The following LRRTM4 variants were observed in gnomAD, a reference collection of about 807,000 sequenced individuals.
LRRTM4 encodes leucine rich repeat transmembrane neuronal 4.
Under a neutral mutation model 47.6 loss-of-function variants are expected in LRRTM4, and 25 were observed. The observed-to-expected ratio is 0.53, with a 90% CI of 0.38 to 0.73. LRRTM4 has a LOEUF of 0.73. Among genes scored for constraint, LRRTM4 ranks in the 30% least tolerant of loss-of-function variants. LRRTM4 has a pLI of 0.00. For synonymous variants in LRRTM4, 311 were observed against 269.5 expected, an observed-to-expected ratio of 1.15 and a Z score of -1.51; for missense variants, 638 against 713.4, an observed-to-expected ratio of 0.89 and a Z score of 1.20.
intron 3 of LRRTM4, among the ~76,000 whole-genome samples, chr2:76,761,759 T>C (rs1407113663): frequency 1.3e-5 from 2 of 152,098 alleles, no homozygotes; most frequent in Non-Finnish European, 2.9e-5. Context: ...AAGCGATAAA[T>C]TTAAAGGAAA....
chr2:76,814,233 T>C (rs1386149442), intron 3 of LRRTM4, among the ~76,000 whole-genome samples: 1 of 152,140 alleles, frequency 6.6e-6, no homozygotes, highest in African/African-American at 2.4e-5. Flanking sequence ...AAAAAGCTTA[T>C]ATAATAAGAT....
intron 3 of LRRTM4, among the ~76,000 whole-genome samples, chr2:77,027,651 AAAC>A (rs1678501369): frequency 6.6e-6 from 1 of 152,214 alleles, no homozygotes; most frequent in African/African-American, 2.4e-5. Flanking sequence ...AGAGCCTTCT[AAAC>A]AACTGTAGTT....
At chr2:76,781,596 C>A (rs1674394863) in intron 3 of LRRTM4, among the ~76,000 whole-genome samples, 1 of 152,236 alleles carries the variant, frequency 6.6e-6, no homozygotes, top group Admixed American at 6.5e-5. Flanking sequence ...TGAGGCAATG[C>A]CTCGCCCTGC....
Position 76,881,520 on chromosome 2 carries a change from T to C in LRRTM4, c.1552-132604A>G, listed in dbSNP as rs186845611. On this transcript the variant is annotated intron_variant, in intron 3 of 3. Transcript: ENST00000409884. ...TGTTCTTGCAATCTCTTGTGCTTTATGTTTCCAGTTTTTCCTCACAGATAC... is the reference window on the plus strand; with the variant it reads ...TGTTCTTGCAATCTCTTGTGCTTTACGTTTCCAGTTTTTCCTCACAGATAC... Among the ~76,000 whole-genome samples, 720 of 152,016 alleles carry C rather than the reference T, an allele frequency of 4.7e-3. 1 individual carries two copies. The highest frequency in any genetic ancestry group is 7.5e-3 in the Non-Finnish European group (512 of 67,904).
chr2:76,784,361 G>A (rs1667510837), intron 3 of LRRTM4, among the ~76,000 whole-genome samples: 1 of 152,000 alleles, frequency 6.6e-6, no homozygotes, highest in Non-Finnish European at 1.5e-5. Context: ...AGTCAAATGG[G>A]TGCAAGATTG....
In LRRTM4 at chr2:77,475,609, T is replaced by G. The variant is rs1677355940; in HGVS notation, c.1551+42709A>C. Among the ~76,000 whole-genome samples, 5 of 152,110 alleles carry G rather than the reference T, an allele frequency of 3.3e-5. No homozygotes were observed. The South Asian group carries it at 1.0e-3, about 32-fold the overall frequency. On this transcript the variant is annotated intron_variant, in intron 3 of 3. Transcript: ENST00000409884. Reference sequence around the variant, plus strand: ...AATTACTCAGATACACTTTTTAGATTAAATAATATACATATTTTAAAGTGT... The same window carrying G: ...AATTACTCAGATACACTTTTTAGATGAAATAATATACATATTTTAAAGTGT...
chr2:76,945,478 A>T (rs1675291770), intron 3 of LRRTM4, among the ~76,000 whole-genome samples: 1 of 152,022 alleles, frequency 6.6e-6, no homozygotes, highest in Admixed American at 6.6e-5. Context: ...TGTGCAATGG[A>T]GTTGTTGGCA....
chr2:77,509,764 T>C (rs1211481728), intron 3 of LRRTM4, among the ~76,000 whole-genome samples: 4 of 152,174 alleles, frequency 2.6e-5, no homozygotes, highest in Non-Finnish European at 4.4e-5. Context: ...CTTGGAAAGT[T>C]ATTATCCTAG....
At position 77,516,677 on chromosome 2, in the gene LRRTM4, C is replaced by A. The variant is rs150872381; in HGVS notation, c.1551+1641G>T. On this transcript the variant is annotated intron_variant, in intron 3 of 3. Transcript: ENST00000409884. ...GCCTTGTTAGACTTTTATAGAAAATCTTTTATTCTTTTTAATTTTTAAGGG... is the reference window on the plus strand; with the variant it reads ...GCCTTGTTAGACTTTTATAGAAAATATTTTATTCTTTTTAATTTTTAAGGG... 722 of 976,388 alleles carry A rather than the reference C, an allele frequency of 7.4e-4. 3 individuals carry two copies. The African/African-American group carries it at 0.011, about 15-fold the overall frequency. 60.5% of individuals were successfully genotyped at this position (976,388 alleles called of 1,614,324 possible).
intron 3 of LRRTM4, among the ~76,000 whole-genome samples, chr2:77,005,478 G>C (rs1164138532): frequency 2.0e-5 from 3 of 152,090 alleles, no homozygotes. Context: ...TGAAATTTAG[G>C]AGGGGCCAGG....
chr2:77,222,705 G>A lies in LRRTM4; in HGVS notation c.1551+295613C>T, dbSNP rs185205384. 1.3e-3 allele frequency among the ~76,000 whole-genome samples: 194 copies of A among 152,206 alleles called. 3 individuals carry two copies. In the South Asian group the frequency reaches 0.022, roughly 18 times the overall value. On this transcript the variant is annotated intron_variant, in intron 3 of 3. Coordinates refer to ENST00000409884, the MANE Select transcript of LRRTM4 (RefSeq NM_001134745.3). ...ACCAATAACAGGCTCCGAAATTGAG[G>A]CAATAATTAATAGCTTACCAACCAA...
intron 3 of LRRTM4, among the ~76,000 whole-genome samples, chr2:76,968,009 A>G (rs1261110176): frequency 6.6e-6 from 1 of 150,812 alleles, no homozygotes; most frequent in African/African-American, 2.4e-5. Flanking sequence ...TCATCTCCTC[A>G]TTTTATTAAA....
At chr2:76,807,892 C>T (rs1670584175) in intron 3 of LRRTM4, among the ~76,000 whole-genome samples, 1 of 149,262 alleles carries the variant, frequency 6.7e-6, no homozygotes, top group Middle Eastern at 3.7e-3. Flanking sequence ...ATTTTCTTTT[C>T]TTCTTTACTT....
chr2:77,399,520 A>G (rs996394507), intron 3 of LRRTM4, among the ~76,000 whole-genome samples: 1 of 151,876 alleles, frequency 6.6e-6, no homozygotes, highest in African/African-American at 2.4e-5. Flanking sequence ...CCAGTTACAC[A>G]GGAGGAATAA....
At chr2:76,983,124 G>T (rs976389202) in intron 3 of LRRTM4, among the ~76,000 whole-genome samples, 2 of 151,912 alleles carry the variant, frequency 1.3e-5, no homozygotes, top group African/African-American at 4.8e-5. Context: ...ATGGTAAAAT[G>T]GTAAAGACCA....
At chr2:76,878,251 G>A (rs1318570812) in intron 3 of LRRTM4, among the ~76,000 whole-genome samples, 6 of 152,006 alleles carry the variant, frequency 3.9e-5, no homozygotes, top group African/African-American at 1.4e-4. Flanking sequence ...ATATGTATAT[G>A]TTCTGATTGT....
chr2:77,386,908 C>T (rs986667677), intron 3 of LRRTM4, among the ~76,000 whole-genome samples: 5 of 151,888 alleles, frequency 3.3e-5, no homozygotes, highest in East Asian at 1.9e-4. Context: ...ACCTATGTAA[C>T]GAAACACATG....
intron 3 of LRRTM4, among the ~76,000 whole-genome samples, chr2:76,828,101 G>T (rs1176514038): frequency 6.6e-6 from 1 of 151,786 alleles, no homozygotes; most frequent in Non-Finnish European, 1.5e-5. Context: ...TCATTTATTT[G>T]GTCACTTCTT....
intron 3 of LRRTM4, among the ~76,000 whole-genome samples, chr2:77,462,908 G>A (rs1472894360): frequency 2.0e-5 from 3 of 151,638 alleles, no homozygotes. Context: ...TGTGTGTGTA[G>A]CGGGGGTGGG....
Sources: allele counts gnomAD v4.1 joint callset (sites outside exome capture counted in the v4.1 genomes callset), GRCh38; gene constraint gnomAD v4.1.1; transcripts MANE v1.5; gene names NCBI Gene and HGNC (gene_info 2026-07-23, HGNC 2026-07-21).